The following UNC5C variants were observed in gnomAD, a reference collection of about 807,000 sequenced individuals.
The protein encoded by UNC5C is unc-5 netrin receptor C.
Under a neutral mutation model 99.8 loss-of-function variants are expected in UNC5C, and 47 were observed. The ratio of observed to expected loss-of-function variants is 0.47; its 90% CI spans 0.37 to 0.60. The LOEUF (loss-of-function observed/expected upper bound fraction) is 0.60, where lower values mean the gene tolerates loss of function less well. Among genes scored for constraint, UNC5C ranks in the 20% least tolerant of loss-of-function variants. The pLI is 0.00. For missense variants in UNC5C, 1,062 were observed against 1,165.9 expected (o/e 0.91, Z 1.30); for synonymous variants, 487 against 452.2 (o/e 1.08, Z -0.98).
chr4:95,481,322 A>G (rs186921815), intron 1 of UNC5C, among the ~76,000 whole-genome samples: 4,355 of 152,190 alleles, frequency 0.029, 199 homozygotes, highest in African/African-American at 0.093. Flanking sequence ...GGACCTCTTC[A>G]AGGAGAACTA....
At chr4:95,342,354 T>G (rs1743611316) in intron 1 of UNC5C, among the ~76,000 whole-genome samples, 1 of 152,052 alleles carries the variant, frequency 6.6e-6, no homozygotes, top group Non-Finnish European at 1.5e-5. Flanking sequence ...TGGGCAGTCC[T>G]GAGGCCCATA....
chr4:95,332,462 C>A lies in UNC5C; in HGVS notation c.346+2948G>T, dbSNP rs529805680. Reference sequence around the variant, plus strand: ...CTTTGACAAACCTGAGAAAAACAAGCAATGGGGAAAGGATTCCCTATTTAA... The same window carrying A: ...CTTTGACAAACCTGAGAAAAACAAGAAATGGGGAAAGGATTCCCTATTTAA... On this transcript the variant is annotated intron_variant, in intron 2 of 15. Coordinates refer to ENST00000453304, the MANE Select transcript of UNC5C (RefSeq NM_003728.4). Among the ~76,000 whole-genome samples, 241 of 145,912 alleles carry A rather than the reference C, an allele frequency of 1.7e-3. 1 individual carries two copies. Among genetic ancestry groups the A allele is most frequent in the East Asian group, 6.2e-3 (29 of 4,654 alleles).
intron 14 of UNC5C, among the ~76,000 whole-genome samples, chr4:95,173,591 C>T (rs1736214341): frequency 7.0e-6 from 1 of 143,294 alleles, no homozygotes; most frequent in Non-Finnish European, 1.5e-5. Context: ...GGGATGAAGC[C>T]CACTTGATCA....
At chr4:95,363,915 G>A (rs890900185) in intron 1 of UNC5C, among the ~76,000 whole-genome samples, 3 of 152,134 alleles carry the variant, frequency 2.0e-5, no homozygotes, top group East Asian at 1.9e-4. Flanking sequence ...TCACACTTCT[G>A]GGGGAAGCAA....
At chr4:95,210,336 G>A (rs865981217) in intron 10 of UNC5C, among the ~76,000 whole-genome samples, 21 of 152,170 alleles carry the variant, frequency 1.4e-4, no homozygotes, top group African/African-American at 2.7e-4. Context: ...TCTCTTATAG[G>A]CTTTCAAGAT....
intron 4 of UNC5C, among the ~76,000 whole-genome samples, chr4:95,258,926 TA>T (rs1236521712): frequency 6.0e-5 from 9 of 149,106 alleles, no homozygotes; most frequent in African/African-American, 2.2e-4. Context: ...TGCGCCCGGC[TA>T]ATTTTTTGTA....
At chr4:95,269,131 A>G (rs1417612853) in intron 4 of UNC5C, among the ~76,000 whole-genome samples, 1 of 152,204 alleles carries the variant, frequency 6.6e-6, no homozygotes, top group Non-Finnish European at 1.5e-5. Context: ...TTTTAGAATC[A>G]CATGGAGAGC....
At chr4:95,302,313 T>C (rs1741910306) in intron 2 of UNC5C, among the ~76,000 whole-genome samples, 1 of 152,220 alleles carries the variant, frequency 6.6e-6, no homozygotes, top group South Asian at 2.1e-4. Context: ...TCATGCATAA[T>C]AGTTTGAAAG....
chr4:95,492,020 C>A (rs114769080), intron 1 of UNC5C, among the ~76,000 whole-genome samples: 1 of 151,218 alleles, frequency 6.6e-6, no homozygotes, highest in African/African-American at 2.4e-5. Context: ...ATTTATTGTG[C>A]AAAATGTTAC....
chr4:95,496,636 A>G (rs1403816265), intron 1 of UNC5C, among the ~76,000 whole-genome samples: 2 of 151,932 alleles, frequency 1.3e-5, no homozygotes, highest in African/African-American at 2.4e-5. Flanking sequence ...ACTAAATGAC[A>G]GTAGCATTGA....
At chr4:95,546,838 G>A (rs1411879727) in intron 1 of UNC5C, among the ~76,000 whole-genome samples, 1 of 151,834 alleles carries the variant, frequency 6.6e-6, no homozygotes, top group Non-Finnish European at 1.5e-5. Flanking sequence ...TTTGGTTATT[G>A]TAAGCTCTTA....
At chr4:95,505,233 G>A (rs1721882927) in intron 1 of UNC5C, among the ~76,000 whole-genome samples, 1 of 152,006 alleles carries the variant, frequency 6.6e-6, no homozygotes, top group Non-Finnish European at 1.5e-5. Flanking sequence ...AACCACCCTG[G>A]TACAGGTCAA....
At chr4:95,202,434 T>C (rs1398481287) in intron 12 of UNC5C, among the ~76,000 whole-genome samples, 1 of 152,170 alleles carries the variant, frequency 6.6e-6, no homozygotes, top group African/African-American at 2.4e-5. Flanking sequence ...GAGATAAACA[T>C]GGAAGCAGAT....
At chr4:95,246,290 C>T (rs1446056273) in intron 5 of UNC5C, among the ~76,000 whole-genome samples, 1 of 152,134 alleles carries the variant, frequency 6.6e-6, no homozygotes, top group Admixed American at 6.5e-5. Context: ...GGTGCAGTGG[C>T]TCATGCTTGT....
At chr4:95,396,464 ATGT>A (rs1192558786) in intron 1 of UNC5C, among the ~76,000 whole-genome samples, 1 of 152,120 alleles carries the variant, frequency 6.6e-6, no homozygotes, top group African/African-American at 2.4e-5. Flanking sequence ...GATGATGATG[ATGT>A]TGATGATGAT....
chr4:95,500,302 C>T (rs901909286), intron 1 of UNC5C, among the ~76,000 whole-genome samples: 1 of 152,100 alleles, frequency 6.6e-6, no homozygotes, highest in Non-Finnish European at 1.5e-5. Context: ...CTTATTCTAC[C>T]CATTTGGTTT....
intron 1 of UNC5C, among the ~76,000 whole-genome samples, chr4:95,545,383 A>G (rs1352784388): frequency 6.6e-6 from 1 of 152,220 alleles, no homozygotes; most frequent in Non-Finnish European, 1.5e-5. Context: ...CTTATTGCAT[A>G]TTCCTAATGT....
chr4:95,534,010 C>T (rs956287737), intron 1 of UNC5C, among the ~76,000 whole-genome samples: 2 of 152,076 alleles, frequency 1.3e-5, no homozygotes, highest in African/African-American at 4.8e-5. Flanking sequence ...GAATAATATC[C>T]TATAAAGATA....
intron 14 of UNC5C, among the ~76,000 whole-genome samples, chr4:95,177,712 G>A (rs531598949): frequency 6.6e-6 from 1 of 152,194 alleles, no homozygotes; most frequent in African/African-American, 2.4e-5. Flanking sequence ...TCTTCATGTG[G>A]TAGGAGGGGC....
Sources: allele counts gnomAD v4.1 joint callset (sites outside exome capture counted in the v4.1 genomes callset), GRCh38; gene constraint gnomAD v4.1.1; transcripts MANE v1.5; gene names NCBI Gene and HGNC (gene_info 2026-07-23, HGNC 2026-07-21).